Variants in KIAA1217 observed in about 807,000 individuals in gnomAD.
KIAA1217 encodes the protein KIAA1217, also known as sickle tail protein homolog.
KIAA1217 carries 88 observed loss-of-function variants against 163.9 expected under a neutral mutation model. The observed-to-expected ratio is 0.54, with a 90% confidence interval of 0.45 to 0.64. The LOEUF is 0.64. Among genes scored for constraint, KIAA1217 ranks in the 30% least tolerant of loss-of-function variants. The pLI is 0.00. For missense variants in KIAA1217, 2,372 were observed against 2,475.0 expected (o/e 0.96, Z 0.88); for synonymous variants, 903 against 923.1 (o/e 0.98, Z 0.39).
Position 24,248,670 on chromosome 10 carries a change from CAA to C in KIAA1217, c.354+28787_354+28788del, listed in dbSNP as rs929995548. Among the ~76,000 whole-genome samples, 16 of 36,456 alleles carry C rather than the reference CAA, an allele frequency of 4.4e-4. 2 individuals carry two copies. Among genetic ancestry groups the C allele is most frequent in the Admixed American group, 3.5e-3 (9 of 2,560 alleles). 23.9% of individuals were successfully genotyped at this position (36,456 alleles called of 152,430 possible). A position where few individuals can be genotyped will look rare whatever the true frequency, so the allele number is the denominator to read the frequency against. On this transcript the variant is annotated intron_variant, in intron 2 of 20. Transcript: ENST00000376454. ...TGGGCAACAAAGCAAGACTCCATCT[CAA>C]AAAAAAAAAAAAAAAAAAAAAAAAA... is the stretch of plus-strand genomic sequence containing the variant.
At chr10:24,304,982 A>G (rs942739958) in intron 2 of KIAA1217, among the ~76,000 whole-genome samples, 9 of 152,138 alleles carry the variant, frequency 5.9e-5, no homozygotes, top group African/African-American at 1.4e-4. Flanking sequence ...GCATTTTTTG[A>G]CAAAGCTACT....
chr10:24,240,661 C>G (rs915485786), intron 2 of KIAA1217, among the ~76,000 whole-genome samples: 9 of 152,112 alleles, frequency 5.9e-5, no homozygotes, highest in Non-Finnish European at 2.9e-5. Flanking sequence ...AAATGGGATG[C>G]CAGTAGCTAG....
chr10:24,235,460 C>A (rs2072103112), intron 2 of KIAA1217, among the ~76,000 whole-genome samples: 1 of 152,192 alleles, frequency 6.6e-6, no homozygotes, highest in African/African-American at 2.4e-5. Flanking sequence ...TTTGGTGATA[C>A]TTGTAGTGTG....
intron 1 of KIAA1217, among the ~76,000 whole-genome samples, chr10:23,793,724 G>C (rs1836068127): frequency 6.6e-6 from 1 of 152,028 alleles, no homozygotes; most frequent in Non-Finnish European, 1.5e-5. Context: ...TTCCTCCCTT[G>C]CTGCTGTAAC....
chr10:24,075,882 G>A (rs778708055), intron 2 of KIAA1217, among the ~76,000 whole-genome samples: 3 of 152,144 alleles, frequency 2.0e-5, no homozygotes, highest in Non-Finnish European at 2.9e-5. Flanking sequence ...AGGATTACAG[G>A]CATGAGCCAC....
intron 3 of KIAA1217, among the ~76,000 whole-genome samples, chr10:24,423,121 G>A (rs2058882809): frequency 6.6e-6 from 1 of 151,798 alleles, no homozygotes; most frequent in African/African-American, 2.4e-5. Flanking sequence ...GTTTCACTGT[G>A]TTAGTCAGGA....
chr10:23,854,005 C>G (rs1375049067), intron 1 of KIAA1217, among the ~76,000 whole-genome samples: 1 of 152,076 alleles, frequency 6.6e-6, no homozygotes, highest in African/African-American at 2.4e-5. Flanking sequence ...TTTTGTGTCT[C>G]TATTTCCTTC....
Position 24,546,259 on chromosome 10 carries a change from A to C in KIAA1217, c.5767A>C (p.Ser1923Arg). Residue 1923 changes from serine to arginine, a missense_variant, in exon 21 of 21, where the codon AGC becomes CGC. Physicochemically the swap from Ser to Arg is moderately radical, Grantham distance 110. This residue lies in a region of KIAA1217 where 690 missense variants were observed against 677.5 expected (regional missense o/e 1.02). Coordinates refer to ENST00000376454, the MANE Select transcript of KIAA1217 (RefSeq NM_019590.5). ...TRTIHTPSLTSYKAQNGSSSK... is the reference protein window; with the variant it reads ...TRTIHTPSLTRYKAQNGSSSK... Reference sequence around the variant, plus strand: ...GACCATCCATACTCCCAGCCTCACCAGCTACAAGGCACAGAATGGAAGTTC... The same window carrying C: ...GACCATCCATACTCCCAGCCTCACCCGCTACAAGGCACAGAATGGAAGTTC... 6.2e-7 allele frequency: 1 copy of C among 1,614,178 alleles called. No individual in the cohort carries two copies. Among genetic ancestry groups the C allele is most frequent in the Non-Finnish European group, 8.5e-7 (1 of 1,180,018 alleles).
chr10:24,478,625 T>C (rs1459658030), intron 6 of KIAA1217, among the ~76,000 whole-genome samples: 1 of 152,186 alleles, frequency 6.6e-6, no homozygotes, highest in East Asian at 1.9e-4. Context: ...CAGCTAGGAC[T>C]CCAAGTAGAG....
chr10:23,732,587 G>T (rs12240366), intron 1 of KIAA1217, among the ~76,000 whole-genome samples: 33,178 of 151,872 alleles, frequency 0.22, 3,860 homozygotes, highest in African/African-American at 0.28. Flanking sequence ...TCTTTACAAA[G>T]AATCCGCTTT....
chr10:24,040,192 G>T (rs1422255845), intron 2 of KIAA1217, among the ~76,000 whole-genome samples: 1 of 152,142 alleles, frequency 6.6e-6, no homozygotes, highest in Non-Finnish European at 1.5e-5. Flanking sequence ...ATCCGCCAGG[G>T]TCCAAGCTAT....
intron 9 of KIAA1217, among the ~76,000 whole-genome samples, chr10:24,502,703 G>A (rs2067822745): frequency 6.6e-6 from 1 of 152,200 alleles, no homozygotes; most frequent in African/African-American, 2.4e-5. Flanking sequence ...AATAGTGCTA[G>A]AAGATAGGGC....
At chr10:23,749,662 C>G (rs767880523) in intron 1 of KIAA1217, among the ~76,000 whole-genome samples, 17 of 152,232 alleles carry the variant, frequency 1.1e-4, no homozygotes, top group Non-Finnish European at 2.1e-4. Context: ...ACCTTTGCCT[C>G]CCGAAGTGCT....
At position 24,546,235 on chromosome 10, in the gene KIAA1217, A is replaced by T. The variant is rs761137182; in HGVS notation, c.5743A>T (p.Thr1915Ser). ...GAATCAAGGTGCCAAGGGCACCAGG[A>T]CCATCCATACTCCCAGCCTCACCAG... ...SLNQGAKGTR[T>S]IHTPSLTSYK... The change falls in exon 21 of 21, where the codon ACC becomes TCC. Residue 1915 changes from threonine to serine, a missense_variant. Thr to Ser is a moderately conservative substitution (Grantham distance 58). This residue lies in a region of KIAA1217 where 690 missense variants were observed against 677.5 expected (regional missense o/e 1.02). Coordinates refer to ENST00000376454, the MANE Select transcript of KIAA1217 (RefSeq NM_019590.5). 1 of 1,614,048 alleles carries T rather than the reference A, an allele frequency of 6.2e-7. No individual in the cohort carries two copies. Among genetic ancestry groups the T allele is most frequent in the Non-Finnish European group, 8.5e-7 (1 of 1,180,026 alleles).
intron 1 of KIAA1217, among the ~76,000 whole-genome samples, chr10:23,834,822 T>TAGG (rs1258123189): frequency 1.3e-5 from 2 of 152,092 alleles, no homozygotes; most frequent in African/African-American, 4.8e-5. Flanking sequence ...GTGAGGACTG[T>TAGG]AGGAGGAGAT....
intron 2 of KIAA1217, among the ~76,000 whole-genome samples, chr10:24,129,881 C>A (rs1285608309): frequency 6.6e-6 from 1 of 152,030 alleles, no homozygotes; most frequent in African/African-American, 2.4e-5. Flanking sequence ...TGATCTTAGG[C>A]CTCATGTGTC....
chr10:24,095,138 A>G (rs1303417904), intron 2 of KIAA1217, among the ~76,000 whole-genome samples: 5 of 151,306 alleles, frequency 3.3e-5, no homozygotes, highest in Admixed American at 2.0e-4. Context: ...GCCATCTGTC[A>G]CCCCTTTCCT....
At chr10:23,744,560 A>T (rs1839292731) in intron 1 of KIAA1217, among the ~76,000 whole-genome samples, 1 of 152,138 alleles carries the variant, frequency 6.6e-6, no homozygotes, top group South Asian at 2.1e-4. Context: ...AAGTAGGCAT[A>T]ACAAGTCTCT....
Position 24,544,017 on chromosome 10 carries a change from G to A in KIAA1217, c.4747G>A (p.Ala1583Thr), listed in dbSNP as rs142794444. ...ATTCAAATTCCCTAAGAAGCAACTC[G>A]CCGCTCTCACTCAAGCCATTCGCAC... is the stretch of plus-strand genomic sequence containing the variant. ...FKFKFPKKQL[A>T]ALTQAIRTGT... The change falls in exon 19 of 21, where the codon GCC becomes ACC. Residue 1583 changes from alanine (A) to threonine (T), a missense_variant. By Grantham distance (58) the Ala-to-Thr change is moderately conservative. Transcript: ENST00000376454. 9 of 1,614,000 alleles carry A rather than the reference G, an allele frequency of 5.6e-6. No individual in the cohort carries two copies. The highest frequency in any genetic ancestry group is 2.2e-5 in the East Asian group (1 of 44,876).
Sources: gnomAD v4.1 joint callset for allele counts (sites outside exome capture counted in the v4.1 genomes callset) on GRCh38, gnomAD v4.1.1 for gene constraint, gnomAD v4.1.1 regional missense constraint, MANE v1.5 for transcripts, NCBI Gene and HGNC (gene_info 2026-07-23, HGNC 2026-07-21) for gene names.